UBXN7: variants seen among roughly 807,000 people sequenced by gnomAD.
UBXN7 encodes UBX domain-containing protein 7.
UBXN7 carries 9 observed loss-of-function variants against 58.0 expected under a neutral mutation model. The ratio of observed to expected loss-of-function variants is 0.16; its 90% CI spans 0.09 to 0.27. The LOEUF (loss-of-function observed/expected upper bound fraction) is 0.27, where lower values mean the gene tolerates loss of function less well. UBXN7 is among the 10% of genes least tolerant of loss of function. The pLI is 1.00. For synonymous variants in UBXN7, 208 were observed against 205.0 expected (o/e 1.01, Z -0.12); for missense variants, 328 against 599.6 (o/e 0.55, Z 4.73).
At chr3:196,378,387 A>G (rs1325380131) in intron 5 of UBXN7, among the ~76,000 whole-genome samples, 2 of 152,154 alleles carry the variant, frequency 1.3e-5, no homozygotes, top group African/African-American at 4.8e-5. Context: ...CCTTCAAGGG[A>G]AATTTGTACC....
intron 1 of UBXN7, among the ~76,000 whole-genome samples, chr3:196,417,127 C>A (rs935613944): frequency 2.6e-5 from 4 of 152,094 alleles, no homozygotes; most frequent in Admixed American, 6.6e-5. Context: ...TCCTGGCTAA[C>A]ACGGTGAAAC....
chr3:196,375,414 C>T (rs202142927), intron 5 of UBXN7, among the ~76,000 whole-genome samples: 2 of 151,994 alleles, frequency 1.3e-5, no homozygotes, highest in East Asian at 1.9e-4. Flanking sequence ...GCAAGGAGTT[C>T]GAGACCACCC....
chr3:196,370,195 T>A (rs776452609), intron 6 of UBXN7, among the ~76,000 whole-genome samples: 15 of 151,154 alleles, frequency 9.9e-5, no homozygotes, highest in Non-Finnish European at 1.9e-4. Context: ...CCTAGCACTT[T>A]GTAGGGCAGA....
chr3:196,366,942 G>A lies in UBXN7; in HGVS notation c.834+1086C>T, dbSNP rs948322937. Among the ~76,000 whole-genome samples the A allele has an allele frequency of 2.2e-4, 33 of 152,236 alleles. No individual in the cohort carries two copies. The South Asian group carries it at 5.8e-3, about 27-fold the overall frequency. On this transcript the variant is annotated intron_variant, in intron 8 of 10. Transcript: ENST00000296328. ...TCACGCCTGTAATCCCAGCACTTTG[G>A]GAGGCCGAGAAGGGCGGATCACTTG...
chr3:196,372,940 G>A (rs1284885152), intron 5 of UBXN7, among the ~76,000 whole-genome samples: 6 of 151,686 alleles, frequency 4.0e-5, no homozygotes, highest in African/African-American at 7.3e-5. Context: ...GTAAAGAGAC[G>A]GGGTTTCACC....
At position 196,347,868 on chromosome 3, in the gene UBXN7, C is replaced by T. The variant is rs1392963497; in HGVS notation, c.*8817G>A. The T allele has an allele frequency of 1.3e-5, 2 of 151,038 alleles. No individual in the cohort carries two copies. Among genetic ancestry groups the T allele is most frequent in the Non-Finnish European group, 2.9e-5 (2 of 67,856 alleles). 9.4% of individuals were successfully genotyped at this position (151,038 alleles called of 1,614,324 possible). A position where few individuals can be genotyped will look rare whatever the true frequency, so the allele number is the denominator to read the frequency against. The stretch of plus-strand genomic sequence containing the variant: ...CACCCCATTGTCCCCCCACCCTCCC[C>T]GTTTCAAGTTGCAGTATTAATATAA... On this transcript the variant is annotated 3_prime_UTR_variant, in exon 11 of 11. Transcript: ENST00000296328.
At chr3:196,403,802 C>T (rs933717873) in intron 2 of UBXN7, among the ~76,000 whole-genome samples, 2 of 151,956 alleles carry the variant, frequency 1.3e-5, no homozygotes, top group Non-Finnish European at 2.9e-5. Context: ...CTAAAAAGAT[C>T]CTAATATACA....
chr3:196,366,420 G>A (rs146650462), intron 8 of UBXN7, among the ~76,000 whole-genome samples: 1 of 151,310 alleles, frequency 6.6e-6, no homozygotes, highest in African/African-American at 2.4e-5. Flanking sequence ...GGAGGCTGAG[G>A]CAAGAAGATT....
At chr3:196,396,933 A>G (rs939588064) in intron 3 of UBXN7, among the ~76,000 whole-genome samples, 2 of 152,130 alleles carry the variant, frequency 1.3e-5, no homozygotes, top group South Asian at 2.1e-4. Flanking sequence ...CCCCTTCTCT[A>G]TAAGGGACTG....
intron 8 of UBXN7, among the ~76,000 whole-genome samples, chr3:196,364,462 AG>A (rs1194245856): frequency 2.6e-5 from 4 of 152,154 alleles, no homozygotes; most frequent in African/African-American, 9.7e-5. Context: ...AAAATAATTC[AG>A]ATGTGATGGG....
intron 5 of UBXN7, among the ~76,000 whole-genome samples, chr3:196,372,326 C>CCTTT (rs1303704521): frequency 1.4e-5 from 2 of 143,154 alleles, no homozygotes; most frequent in African/African-American, 5.2e-5. Flanking sequence ...CTCTCTCTCT[C>CCTTT]CTTTCTTTCT....
In UBXN7 at chr3:196,349,147, A is replaced by C. The variant is rs1486074716; in HGVS notation, c.*7538T>G. 1 of 152,228 alleles carries C rather than the reference A, an allele frequency of 6.6e-6. No individual in the cohort carries two copies. Among genetic ancestry groups the C allele is most frequent in the Non-Finnish European group, 1.5e-5 (1 of 68,056 alleles). The allele number at this position is 152,228 out of a possible 1,614,324, so 9.4% of individuals were successfully genotyped here. ...AACTGGTACTCATTTCTCTATATCT[A>C]AGACTAGAAGATTCTCTCACAGCTT... is the stretch of plus-strand genomic sequence containing the variant. On this transcript the variant is annotated 3_prime_UTR_variant, in exon 11 of 11. Transcript: ENST00000296328.
At chr3:196,420,712 C>T (rs1001528368) in intron 1 of UBXN7, among the ~76,000 whole-genome samples, 1 of 152,136 alleles carries the variant, frequency 6.6e-6, no homozygotes, top group Non-Finnish European at 1.5e-5. Flanking sequence ...TTCTCTCCAT[C>T]TGTTTTACAC....
chr3:196,413,598 A>C (rs573122092), intron 1 of UBXN7, among the ~76,000 whole-genome samples: 1 of 152,126 alleles, frequency 6.6e-6, no homozygotes, highest in African/African-American at 2.4e-5. Context: ...CCATCAGTTA[A>C]CCAAAGAGAG....
chr3:196,379,408 C>G (rs1173883988), intron 5 of UBXN7, among the ~76,000 whole-genome samples: 1 of 152,178 alleles, frequency 6.6e-6, no homozygotes, highest in Admixed American at 6.5e-5. Context: ...GGGAATGCAG[C>G]CCACTAGGTC....
intron 1 of UBXN7, 114 bp from the exon 2 acceptor site, chr3:196,407,507 A>C: frequency 7.2e-7 from 1 of 1,382,450 alleles, no homozygotes; most frequent in Non-Finnish European, 9.5e-7. Context: ...TCCCTTTTAG[A>C]ATGAATGACT....
chr3:196,410,004 G>C (rs972390161), intron 1 of UBXN7, among the ~76,000 whole-genome samples: 1 of 149,944 alleles, frequency 6.7e-6, no homozygotes, highest in Non-Finnish European at 1.5e-5. Context: ...GTAATGGTGC[G>C]ATCTTGGCTC....
chr3:196,410,618 TC>T (rs1730294969), intron 1 of UBXN7, among the ~76,000 whole-genome samples: 1 of 152,096 alleles, frequency 6.6e-6, no homozygotes, highest in African/African-American at 2.4e-5. Context: ...GGTTAGGAGT[TC>T]AAGACCAGCC....
rs145939405 is a variant in UBXN7, at chr3:196,427,208, G to A, written c.73+5119C>T. On this transcript the variant is annotated intron_variant, in intron 1 of 10. Coordinates refer to ENST00000296328, the MANE Select transcript of UBXN7 (RefSeq NM_015562.2). The stretch of plus-strand genomic sequence containing the variant: ...GCACCAGTGTATATGTGTAGTGGAT[G>A]TCAGCCCAAAGTTGGTGCTAATGGA... Among the ~76,000 whole-genome samples the A allele has an allele frequency of 9.8e-5, 15 of 152,316 alleles. No homozygotes were observed. The East Asian group carries it at 2.3e-3, about 23-fold the overall frequency.
Sources: allele counts gnomAD v4.1 joint callset (sites outside exome capture counted in the v4.1 genomes callset), GRCh38; gene constraint gnomAD v4.1.1; transcripts MANE v1.5; gene names NCBI Gene and HGNC (gene_info 2026-07-23, HGNC 2026-07-21).